Variants in RGS7 observed in about 807,000 individuals in gnomAD.
RGS7 encodes regulator of G-protein signaling 7.
RGS7 carries 27 observed loss-of-function variants against 81.1 expected under a neutral mutation model. The ratio of observed to expected loss-of-function variants is 0.33; its 90% CI spans 0.25 to 0.46. The LOEUF (loss-of-function observed/expected upper bound fraction) is 0.46. RGS7 is among the 20% of genes least tolerant of loss of function. The pLI, the probability that RGS7 is intolerant of heterozygous loss-of-function variation, is 1.00. For synonymous variants in RGS7, 208 were observed against 207.7 expected (o/e 1.00, Z -0.01); for missense variants, 396 against 607.4 (o/e 0.65, Z 3.66).
At chr1:240,820,888 A>C (rs934504144) in intron 10 of RGS7, among the ~76,000 whole-genome samples, 2 of 152,172 alleles carry the variant, frequency 1.3e-5, no homozygotes, top group Non-Finnish European at 2.9e-5. Context: ...CACAAAGTAC[A>C]AGAAGCCTTT....
intron 2 of RGS7, among the ~76,000 whole-genome samples, chr1:241,264,107 T>G (rs2077470412): frequency 6.6e-6 from 1 of 152,256 alleles, no homozygotes; most frequent in South Asian, 2.1e-4. Context: ...TATAGCACTA[T>G]TCACTGAGCA....
chr1:241,275,529 T>C (rs953642749), intron 2 of RGS7, among the ~76,000 whole-genome samples: 3 of 152,222 alleles, frequency 2.0e-5, no homozygotes, highest in Admixed American at 6.5e-5. Context: ...GTAGGAAACG[T>C]TGGTGACCCT....
intron 2 of RGS7, among the ~76,000 whole-genome samples, chr1:241,325,917 A>G (rs907214194): frequency 6.6e-6 from 1 of 152,046 alleles, no homozygotes; most frequent in South Asian, 2.1e-4. Context: ...CAACCGTTAC[A>G]TTTTTTCTTT....
At chr1:241,336,704 T>C (rs1217624770) in intron 2 of RGS7, among the ~76,000 whole-genome samples, 1 of 152,226 alleles carries the variant, frequency 6.6e-6, no homozygotes, top group Non-Finnish European at 1.5e-5. Flanking sequence ...GGTTATTTAT[T>C]ATCATTTTTA....
intron 18 of RGS7, among the ~76,000 whole-genome samples, chr1:240,795,951 T>C (rs1686991338): frequency 1.3e-5 from 2 of 152,184 alleles, no homozygotes; most frequent in Non-Finnish European, 2.9e-5. Flanking sequence ...ATTGTTATTA[T>C]AATTATTATT....
At chr1:241,029,199 T>C (rs1011860383) in intron 3 of RGS7, among the ~76,000 whole-genome samples, 21 of 151,746 alleles carry the variant, frequency 1.4e-4, no homozygotes, top group Admixed American at 2.6e-4. Context: ...AAGAATTTCC[T>C]GACACAAAAT....
At position 241,030,462 on chromosome 1, in the gene RGS7, C is replaced by G. The variant is rs1044322547; in HGVS notation, c.176-47333G>C. On this transcript the variant is annotated intron_variant, in intron 3 of 18. Transcript: ENST00000440928. The stretch of plus-strand genomic sequence containing the variant: ...TATGTGCAATATATATACACATATA[C>G]AAACATATATGCATGGTATGTATAT... Among the ~76,000 whole-genome samples the G allele has an allele frequency of 2.0e-4, 29 of 141,860 alleles. 1 individual carries two copies. Among genetic ancestry groups the G allele is most frequent in the Non-Finnish European group, 4.6e-5 (3 of 65,030 alleles). 93.1% of individuals were successfully genotyped at this position (141,860 alleles called of 152,430 possible).
intron 9 of RGS7, among the ~76,000 whole-genome samples, chr1:240,864,445 A>T (rs1471704698): frequency 6.6e-6 from 1 of 152,188 alleles, no homozygotes; most frequent in Non-Finnish European, 1.5e-5. Flanking sequence ...TTCCCCAAAC[A>T]GTTCAAAAAG....
At chr1:240,877,782 G>T (rs1665695390) in intron 6 of RGS7, among the ~76,000 whole-genome samples, 2 of 152,114 alleles carry the variant, frequency 1.3e-5, no homozygotes, top group South Asian at 4.1e-4. Flanking sequence ...CCAGTTTCCT[G>T]AAAGGGTTAT....
At chr1:241,322,703 G>A (rs925489959) in intron 2 of RGS7, among the ~76,000 whole-genome samples, 2 of 152,152 alleles carry the variant, frequency 1.3e-5, no homozygotes, top group African/African-American at 4.8e-5. Flanking sequence ...GGGTCCTATG[G>A]CATAGAATGA....
At chr1:241,268,393 G>A (rs2077701522) in intron 2 of RGS7, among the ~76,000 whole-genome samples, 3 of 152,168 alleles carry the variant, frequency 2.0e-5, no homozygotes, top group Admixed American at 2.0e-4. Flanking sequence ...ACGTTTAGCA[G>A]ATCTCTGGCC....
intron 3 of RGS7, among the ~76,000 whole-genome samples, chr1:241,018,323 C>T (rs679842): frequency 0.29 from 43,337 of 151,416 alleles, 7,800 homozygotes; most frequent in African/African-American, 0.51. Context: ...CTCATGTTTT[C>T]GCATGCCTTG....
chr1:241,074,505 C>T (rs1432856328), intron 3 of RGS7, among the ~76,000 whole-genome samples: 9 of 152,154 alleles, frequency 5.9e-5, no homozygotes, highest in African/African-American at 1.9e-4. Context: ...ACAGCTGGAG[C>T]CAGGTATTCA....
intron 12 of RGS7, among the ~76,000 whole-genome samples, chr1:240,814,264 A>G (rs147444344): frequency 4.8e-4 from 73 of 152,364 alleles, no homozygotes; most frequent in Non-Finnish European, 9.4e-4. Context: ...CATTAAGAAC[A>G]GATTTAAATG....
At chr1:241,252,166 C>A (rs1236199324) in intron 2 of RGS7, among the ~76,000 whole-genome samples, 1 of 151,918 alleles carries the variant, frequency 6.6e-6, no homozygotes, top group Non-Finnish European at 1.5e-5. Context: ...GCCTCAGCCT[C>A]CCAAGTAGCT....
At chr1:241,210,430 G>A (rs1301104304) in intron 2 of RGS7, among the ~76,000 whole-genome samples, 3 of 152,204 alleles carry the variant, frequency 2.0e-5, no homozygotes, top group African/African-American at 4.8e-5. Flanking sequence ...TTACAGGCGT[G>A]AGCCACCACG....
rs547835898 is a variant in RGS7 at position 240,798,968 on chromosome 1, A to T, written c.*6+1673T>A. Among the ~76,000 whole-genome samples, 3 of 152,234 alleles carry T rather than the reference A, an allele frequency of 2.0e-5. No individual in the cohort carries two copies. The East Asian group carries it at 5.8e-4, about 29-fold the overall frequency. ...AAGTCTATCTGATTATAATAAAATC[A>T]CTCATTCTTTATCTTCCATTAAATT... On this transcript the variant is annotated intron_variant, in intron 18 of 18. Transcript: ENST00000440928.
chr1:241,191,864 T>C (rs947870914), intron 2 of RGS7, among the ~76,000 whole-genome samples: 6 of 152,254 alleles, frequency 3.9e-5, no homozygotes, highest in Admixed American at 6.5e-5. Flanking sequence ...GTTGTCAAAT[T>C]CATGTGTATA....
chr1:240,873,398 T>G (rs1371590942), intron 6 of RGS7, among the ~76,000 whole-genome samples: 1 of 152,130 alleles, frequency 6.6e-6, no homozygotes, highest in Non-Finnish European at 1.5e-5. Context: ...AGGAGACAAT[T>G]TGGAAGACTT....
Sources: allele counts gnomAD v4.1 joint callset (sites outside exome capture counted in the v4.1 genomes callset), GRCh38; gene constraint gnomAD v4.1.1; transcripts MANE v1.5; gene names NCBI Gene and HGNC (gene_info 2026-07-23, HGNC 2026-07-21).